Variants in PIBF1 observed in about 807,000 individuals in gnomAD.
The protein encoded by PIBF1 is progesterone-induced-blocking factor 1.
Under a neutral mutation model 112.5 loss-of-function variants are expected in PIBF1, and 90 were observed. That is an observed-to-expected ratio of 0.80 (90% CI 0.67 to 0.95). The LOEUF is 0.95. Among genes scored for constraint, PIBF1 ranks in the 40% least tolerant of loss-of-function variants. PIBF1 has a pLI of 0.00. For synonymous variants in PIBF1, 301 were observed against 288.6 expected, an observed-to-expected ratio of 1.04 and a Z score of -0.44; for missense variants, 915 against 852.3, an observed-to-expected ratio of 1.07 and a Z score of -0.92.
intron 17 of PIBF1, among the ~76,000 whole-genome samples, chr13:73,008,891 C>T (rs767478399): frequency 7.9e-5 from 12 of 152,180 alleles, no homozygotes; most frequent in Non-Finnish European, 1.5e-4. Flanking sequence ...ATGGTATAAA[C>T]TAAGAGTATA....
intron 14 of PIBF1, among the ~76,000 whole-genome samples, chr13:72,961,125 A>G (rs541620907): frequency 6.6e-6 from 1 of 151,670 alleles, no homozygotes; most frequent in South Asian, 2.1e-4. Flanking sequence ...ATTTAGATGA[A>G]TAAATGCTTT....
At chr13:72,987,122 T>C (rs2043316126) in intron 16 of PIBF1, among the ~76,000 whole-genome samples, 1 of 152,188 alleles carries the variant, frequency 6.6e-6, no homozygotes, top group Admixed American at 6.5e-5. Flanking sequence ...AAGAATTCTT[T>C]TCAGTCATAA....
At chr13:72,931,820 C>A (rs1433611298) in intron 14 of PIBF1, among the ~76,000 whole-genome samples, 1 of 146,380 alleles carries the variant, frequency 6.8e-6, no homozygotes, top group African/African-American at 2.5e-5. Context: ...TTTTGAAATG[C>A]GAGTCATAAA....
chr13:72,863,418 A>G (rs529168426), intron 10 of PIBF1, among the ~76,000 whole-genome samples: 2 of 152,172 alleles, frequency 1.3e-5, no homozygotes, highest in East Asian at 1.9e-4. Flanking sequence ...TTGGGAGGCC[A>G]AGGTGGGCGG....
chr13:72,973,083 G>A (rs2042937102), intron 15 of PIBF1, among the ~76,000 whole-genome samples: 1 of 152,148 alleles, frequency 6.6e-6, no homozygotes, highest in South Asian at 2.1e-4. Flanking sequence ...TTCTCAGACA[G>A]CATCTCAGTT....
At position 72,998,995 on chromosome 13, in the gene PIBF1, TG is replaced by T; in HGVS notation, c.2223+1del. On this transcript the variant is annotated splice_donor_variant, in intron 17 of 17. Transcript: ENST00000326291. LOFTEE classifies it high-confidence loss of function. ...TATTTACACCTAAACCAACACTCTTTGTAAGTACAATTTTTAAAACTCATAA... is the reference window on the plus strand; with the variant it reads ...TATTTACACCTAAACCAACACTCTTTTAAGTACAATTTTTAAAACTCATAA... 6.5e-7 allele frequency: 1 copy of T among 1,548,150 alleles called. No homozygotes were observed. The highest frequency in any genetic ancestry group is 8.8e-7 in the Non-Finnish European group (1 of 1,138,364).
Position 72,908,671 on chromosome 13 carries a change from A to C in PIBF1, c.1629A>C (p.Gln543His), listed in dbSNP as rs747511340. ...AAGAGCTTGATGAAATAATAATGCA[A>C]ACTGCAGAAAGTAAGTCTTCCCCCA... ...LEKELDEIIM[Q>H]TAEIENEDEA... Residue 543 changes from glutamine (Q) to histidine (H), a missense_variant, in exon 12 of 18, where the codon CAA (glutamine) becomes CAC (histidine). Coordinates refer to ENST00000326291, the MANE Select transcript of PIBF1 (RefSeq NM_006346.4). The C allele has an allele frequency of 3.0e-5, 48 of 1,612,038 alleles. No homozygotes were observed. In the South Asian group the frequency reaches 5.1e-4, roughly 17 times the overall value.
intron 15 of PIBF1, among the ~76,000 whole-genome samples, chr13:72,966,860 G>A (rs2042753631): frequency 6.6e-6 from 1 of 151,968 alleles, no homozygotes; most frequent in African/African-American, 2.4e-5. Context: ...AGTGAGCTGA[G>A]ATCATTTCAC....
At chr13:72,996,618 T>C (rs1372542340) in intron 16 of PIBF1, among the ~76,000 whole-genome samples, 1 of 152,034 alleles carries the variant, frequency 6.6e-6, no homozygotes, top group Admixed American at 6.6e-5. Flanking sequence ...TAAGACCTCA[T>C]CTCTACCAAA....
At chr13:72,829,051 C>G (rs2036970293) in intron 8 of PIBF1, among the ~76,000 whole-genome samples, 1 of 152,176 alleles carries the variant, frequency 6.6e-6, no homozygotes, top group Non-Finnish European at 1.5e-5. Flanking sequence ...AGCATTTGTT[C>G]ATATATCTGT....
Position 72,973,572 on chromosome 13 carries a change from C to G in PIBF1, c.1965-19C>G. 7.4e-7 allele frequency: 1 copy of G among 1,344,746 alleles called. No individual in the cohort carries two copies. The highest frequency in any genetic ancestry group is 1.0e-6 in the Non-Finnish European group (1 of 964,414). 83.3% of individuals were successfully genotyped at this position (1,344,746 alleles called of 1,614,324 possible). A position where few individuals can be genotyped will look rare whatever the true frequency, so the allele number is the denominator to read the frequency against. On this transcript the variant is annotated intron_variant, in intron 15 of 17. Coordinates refer to ENST00000326291, the MANE Select transcript of PIBF1 (RefSeq NM_006346.4). Reference sequence around the variant, plus strand: ...ATACTAACATAATGACTTTTTAAAACTGGGGTTTTTTTTTTCAGCAACTTA... The same window carrying G: ...ATACTAACATAATGACTTTTTAAAAGTGGGGTTTTTTTTTTCAGCAACTTA...
At chr13:72,916,075 TG>T (rs1350861693) in intron 12 of PIBF1, among the ~76,000 whole-genome samples, 2 of 152,098 alleles carry the variant, frequency 1.3e-5, no homozygotes, top group Non-Finnish European at 2.9e-5. Flanking sequence ...TTTGGTGTTT[TG>T]GGGGTTTTTT....
At chr13:72,831,829 A>C (rs532719723) in intron 8 of PIBF1, among the ~76,000 whole-genome samples, 2 of 152,186 alleles carry the variant, frequency 1.3e-5, no homozygotes, top group Admixed American at 1.3e-4. Flanking sequence ...TGATCTATCT[A>C]ATATTGACAG....
intron 15 of PIBF1, among the ~76,000 whole-genome samples, chr13:72,968,836 C>A (rs1004079116): frequency 4.6e-5 from 7 of 151,918 alleles, no homozygotes; most frequent in African/African-American, 1.7e-4. Flanking sequence ...TCGAGACCAG[C>A]CTGGACAACA....
intron 6 of PIBF1, among the ~76,000 whole-genome samples, chr13:72,825,175 C>G (rs2036745262): frequency 6.6e-6 from 1 of 151,640 alleles, no homozygotes; most frequent in Non-Finnish European, 1.5e-5. Context: ...AGAGCCTTGG[C>G]TCAGGGAAAA....
chr13:72,782,907 T>TG (rs1491319600), intron 1 of PIBF1, among the ~76,000 whole-genome samples: 124 of 141,402 alleles, frequency 8.8e-4, no homozygotes, highest in African/African-American at 2.9e-3. Context: ...TGTGTGTGTG[T>TG]TTGTGTTTGT....
intron 17 of PIBF1, among the ~76,000 whole-genome samples, chr13:73,002,527 C>A (rs1383594101): frequency 1.3e-5 from 2 of 152,134 alleles, no homozygotes; most frequent in Non-Finnish European, 2.9e-5. Flanking sequence ...CCTTCCTGAG[C>A]AGTATGGGAC....
At chr13:72,788,138 C>A (rs1450123716) in intron 2 of PIBF1, among the ~76,000 whole-genome samples, 1 of 152,228 alleles carries the variant, frequency 6.6e-6, no homozygotes, top group Non-Finnish European at 1.5e-5. Flanking sequence ...AGGTAGATTT[C>A]TGCTCAGTGT....
At chr13:72,836,978 T>C (rs2037389224) in intron 9 of PIBF1, among the ~76,000 whole-genome samples, 1 of 152,080 alleles carries the variant, frequency 6.6e-6, no homozygotes, top group Non-Finnish European at 1.5e-5. Context: ...GTGATTATAC[T>C]CTTCTGCCTA....
Sources: gnomAD v4.1 joint callset for allele counts (sites outside exome capture counted in the v4.1 genomes callset) on GRCh38, gnomAD v4.1.1 for gene constraint, MANE v1.5 for transcripts, NCBI Gene and HGNC (gene_info 2026-07-23, HGNC 2026-07-21) for gene names.